The following ITSN1 variants were observed in gnomAD, a reference collection of about 807,000 sequenced individuals.
The protein encoded by ITSN1 is intersectin-1.
Under a neutral mutation model 239.8 loss-of-function variants are expected in ITSN1, and 58 were observed. The ratio of observed to expected loss-of-function variants is 0.24; its 90% confidence interval spans 0.20 to 0.30. The LOEUF (loss-of-function observed/expected upper bound fraction) is 0.30, where lower values mean the gene tolerates loss of function less well. ITSN1 is among the 10% of genes least tolerant of loss of function. The pLI is 1.00. For missense variants in ITSN1, 1,558 were observed against 2,103.3 expected, an observed-to-expected ratio of 0.74 and a Z score of 5.07; for synonymous variants, 780 against 770.8, an observed-to-expected ratio of 1.01 and a Z score of -0.20.
Position 33,797,444 on chromosome 21 carries a change from C to G in ITSN1, c.2018C>G (p.Pro673Arg). ...HVQQEDEHQR[P>R]RKLHEEEKLK... Reference sequence around the variant, plus strand: ...CAGCAGGAGGACGAGCATCAGAGACCAAGAAAACTCCACGAAGAGGAAAAA... The same window carrying G: ...CAGCAGGAGGACGAGCATCAGAGACGAAGAAAACTCCACGAAGAGGAAAAA... The change falls in exon 18 of 40, where the codon CCA becomes CGA. Residue 673 changes from proline to arginine, a missense_variant. Around this residue, in one of 2 missense-constraint regions of ITSN1, gnomAD observed 982 missense variants for 1,209.9 expected, o/e 0.81. Transcript: ENST00000381318. This position sits in a 1 kb window ranked among gnomAD's most constrained non-coding sequence, Gnocchi z 4.9. The G allele has an allele frequency of 1.2e-6, 2 of 1,613,964 alleles. No individual in the cohort carries two copies. Among genetic ancestry groups the G allele is most frequent in the East Asian group, 2.2e-5 (1 of 44,862 alleles).
intron 1 of ITSN1, among the ~76,000 whole-genome samples, chr21:33,645,935 TGTC>T (rs1568826443): frequency 6.6e-6 from 1 of 152,226 alleles, no homozygotes; most frequent in East Asian, 1.9e-4. Context: ...TAATTTTACC[TGTC>T]GTACACCTTT....
At chr21:33,655,583 A>ATTTTTT (rs756792867) in intron 1 of ITSN1, among the ~76,000 whole-genome samples, 1 of 126,100 alleles carries the variant, frequency 7.9e-6, no homozygotes, top group Admixed American at 8.3e-5. Flanking sequence ...TGCCTGGCTA[A>ATTTTTT]TTTTTTTTTT....
Position 33,797,760 on chromosome 21 carries a change from C to CGAAA in ITSN1, c.2182+152_2182+153insGAAA. 1.5e-6 allele frequency: 1 copy of CGAAA among 658,656 alleles called. No homozygotes were observed. The highest frequency in any genetic ancestry group is 2.6e-6 in the Non-Finnish European group (1 of 379,030). The allele number at this position is 658,656 out of a possible 1,614,324, so 40.8% of individuals were successfully genotyped here. ...TTTGAGCATGGCCAGCTCTTCTTTC[C>CGAAA]CCAGGGTCATTTGAGATCTGTGTAA... On this transcript the variant is annotated intron_variant, in intron 18 of 39. Coordinates refer to ENST00000381318, the MANE Select transcript of ITSN1 (RefSeq NM_003024.3). The surrounding 1 kb of genome is among the most constrained non-coding windows in gnomAD (Gnocchi z 4.9).
intron 1 of ITSN1, among the ~76,000 whole-genome samples, chr21:33,689,836 C>T (rs183719279): frequency 3.4e-4 from 52 of 151,890 alleles, no homozygotes; most frequent in Non-Finnish European, 5.4e-4. Flanking sequence ...GGCATGGTGG[C>T]GCACGCCTGT....
At chr21:33,817,212 C>A in intron 22 of ITSN1, 1 of 1,289,548 alleles carries the variant, frequency 7.8e-7, no homozygotes, top group Non-Finnish European at 1.0e-6. Flanking sequence ...ATAATAAATG[C>A]CTCACCCTGC....
intron 17 of ITSN1, among the ~76,000 whole-genome samples, chr21:33,796,688 A>G (rs1163943111): frequency 6.6e-6 from 1 of 152,220 alleles, no homozygotes; most frequent in Non-Finnish European, 1.5e-5. Context: ...TAATACTAGG[A>G]CTACCAACCT....
At chr21:33,750,651 T>TA (rs1308135806) in intron 6 of ITSN1, among the ~76,000 whole-genome samples, 1 of 152,238 alleles carries the variant, frequency 6.6e-6, no homozygotes, top group Admixed American at 6.5e-5. Flanking sequence ...TTTCTATTTT[T>TA]ATGTATCAGT....
chr21:33,786,831 C>T (rs543562558), intron 16 of ITSN1, among the ~76,000 whole-genome samples: 1 of 152,140 alleles, frequency 6.6e-6, no homozygotes, highest in Non-Finnish European at 1.5e-5. Flanking sequence ...TTCTTCCAGT[C>T]AGTGGCAATG....
chr21:33,685,289 A>G (rs899752458), intron 1 of ITSN1, among the ~76,000 whole-genome samples: 3 of 152,306 alleles, frequency 2.0e-5, no homozygotes, highest in East Asian at 3.9e-4. Context: ...ACTTTCTTCA[A>G]GTTTCCCTTG....
intron 29 of ITSN1, among the ~76,000 whole-genome samples, chr21:33,840,655 C>T (rs2074791431): frequency 6.6e-6 from 1 of 151,988 alleles, no homozygotes; most frequent in Non-Finnish European, 1.5e-5. Context: ...AGCCACCGTG[C>T]CTGGCTTACT....
chr21:33,859,103 C>T (rs989292081), intron 31 of ITSN1, among the ~76,000 whole-genome samples: 1 of 152,214 alleles, frequency 6.6e-6, no homozygotes, highest in Non-Finnish European at 1.5e-5. Flanking sequence ...TGGCTCCATG[C>T]TGGGGCGTGG....
chr21:33,796,304 A>G (rs878984415), intron 17 of ITSN1, among the ~76,000 whole-genome samples: 20 of 152,146 alleles, frequency 1.3e-4, no homozygotes, highest in African/African-American at 4.3e-4. Flanking sequence ...GTTGTCATGA[A>G]TAACCATATC....
chr21:33,710,887 CCT>C (rs920285600), intron 1 of ITSN1, among the ~76,000 whole-genome samples: 4 of 150,906 alleles, frequency 2.7e-5, no homozygotes, highest in Admixed American at 2.6e-4. Flanking sequence ...CTCACTGCAA[CCT>C]CCGCCTCTTG....
At chr21:33,740,743 G>A (rs1417781564) in intron 5 of ITSN1, among the ~76,000 whole-genome samples, 1 of 152,152 alleles carries the variant, frequency 6.6e-6, no homozygotes, top group Non-Finnish European at 1.5e-5. Context: ...GTTGTCAAAA[G>A]GATGATAGTC....
intron 29 of ITSN1, among the ~76,000 whole-genome samples, chr21:33,840,202 G>A (rs1569289130): frequency 6.6e-6 from 1 of 152,120 alleles, no homozygotes; most frequent in African/African-American, 2.4e-5. Flanking sequence ...AACTACTTCA[G>A]TCATATTCAC....
rs138851019 is a variant in ITSN1 at position 33,727,426 on chromosome 21, C to T, written c.185+4775C>T. Among the ~76,000 whole-genome samples the T allele has an allele frequency of 3.3e-5, 5 of 151,706 alleles. No individual in the cohort carries two copies. The East Asian group carries it at 9.7e-4, about 30-fold the overall frequency. On this transcript the variant is annotated intron_variant, in intron 4 of 39. Transcript: ENST00000381318. ...AGGGAGCACTACCTGGAAATGGGCC[C>T]TGAGAGGAAAGAAGGGAGCCAGACA...
chr21:33,721,286 AT>A lies in ITSN1; in HGVS notation c.121+22del. 1 of 1,515,042 alleles carries A rather than the reference AT, an allele frequency of 6.6e-7. No individual in the cohort carries two copies. The highest frequency in any genetic ancestry group is 9.2e-7 in the Non-Finnish European group (1 of 1,090,070). The allele number at this position is 1,515,042 out of a possible 1,614,324, so 93.8% of individuals were successfully genotyped here. On this transcript the variant is annotated intron_variant, in intron 3 of 39. Coordinates refer to ENST00000381318, the MANE Select transcript of ITSN1 (RefSeq NM_003024.3). ...TTCATTACTGGTAATCACAGTCAGC[AT>A]TTTTTCATTTTTACTTATCAGTAGT...
chr21:33,804,063 G>T (rs112490180), intron 20 of ITSN1, among the ~76,000 whole-genome samples: 3 of 152,240 alleles, frequency 2.0e-5, no homozygotes, highest in African/African-American at 7.2e-5. Context: ...TGATGAGCAT[G>T]AGACATGTAG....
chr21:33,675,792 G>A (rs906795269), intron 1 of ITSN1, among the ~76,000 whole-genome samples: 2 of 152,034 alleles, frequency 1.3e-5, no homozygotes, highest in Non-Finnish European at 2.9e-5. Context: ...TCAGTTGGTC[G>A]TTTAAATTTC....
Sources: allele counts gnomAD v4.1 joint callset (sites outside exome capture counted in the v4.1 genomes callset), GRCh38; gene constraint gnomAD v4.1.1; regional missense constraint gnomAD v4.1.1; non-coding constraint Gnocchi (gnomAD v3.1); transcripts MANE v1.5; gene names NCBI Gene and HGNC (gene_info 2026-07-23, HGNC 2026-07-21).